OSGIN1: variants seen among roughly 807,000 people sequenced by gnomAD.
OSGIN1 encodes the protein oxidative stress-induced growth inhibitor 1.
In OSGIN1, 19 loss-of-function variants were observed where a neutral mutation model predicts 20.1. The observed-to-expected ratio is 0.95, with a 90% CI of 0.66 to 1.39. The LOEUF (loss-of-function observed/expected upper bound fraction) is 1.39. Among genes scored for constraint, OSGIN1 ranks in the 40% most tolerant of loss-of-function variants. OSGIN1 has a pLI of 0.00. For synonymous variants in OSGIN1, 368 were observed against 297.8 expected (o/e 1.24, Z -2.43); for missense variants, 820 against 653.0 (o/e 1.26, Z -2.79).
chr16:83,964,997 C>CCA, intron 5 of OSGIN1, 65 bp from the exon 6 acceptor site: 1 of 835,726 alleles, frequency 1.2e-6, no homozygotes. Context: ...GGACATCTCC[C>CCA]GTCCCACCCA....
chr16:83,963,211 A>G (rs2084235712), intron 5 of OSGIN1, among the ~76,000 whole-genome samples: 1 of 152,186 alleles, frequency 6.6e-6, no homozygotes, highest in East Asian at 1.9e-4. Flanking sequence ...GTGTAGCTAC[A>G]TGTTAGTAGG....
intron 1 of OSGIN1, among the ~76,000 whole-genome samples, chr16:83,955,026 C>T (rs1304468950): frequency 6.6e-6 from 1 of 152,196 alleles, no homozygotes; most frequent in East Asian, 1.9e-4. Flanking sequence ...GCTCTGTAGC[C>T]TCAGGGCACG....
rs1417456877 is a variant in OSGIN1 at position 83,966,083 on chromosome 16, T to C, written c.*76T>C. 6 of 1,216,114 alleles carry C rather than the reference T, an allele frequency of 4.9e-6. No individual in the cohort carries two copies. The highest frequency in any genetic ancestry group is 6.7e-6 in the Non-Finnish European group (6 of 898,042). 75.3% of individuals were successfully genotyped at this position (1,216,114 alleles called of 1,614,324 possible). The stretch of plus-strand genomic sequence containing the variant: ...ACATCCCTGCTGGATGCAGGACCCG[T>C]CCAAAGATGCCCCGGGGAGGGGTGT... On this transcript the variant is annotated 3_prime_UTR_variant, in exon 6 of 6. Coordinates refer to ENST00000393306, the MANE Select transcript of OSGIN1 (RefSeq NM_182981.3).
rs201776600 is a variant in OSGIN1, at chr16:83,961,090, C to T, written c.488+18C>T. The T allele has an allele frequency of 9.3e-5, 149 of 1,597,152 alleles. No homozygotes were observed. In the East Asian group the frequency reaches 2.8e-3, roughly 30 times the overall value. On this transcript the variant is annotated intron_variant, in intron 5 of 5. Coordinates refer to ENST00000393306, the MANE Select transcript of OSGIN1 (RefSeq NM_182981.3). ...AAGCGAAGGTGAGGCCGCCCCGGAA[C>T]GCCTTGGGGGACACGGAAGGTTGGG...
Position 83,965,797 on chromosome 16 carries a change from A to AG in OSGIN1, c.1228dup (p.Ala410GlyfsTer2). 1 of 1,612,806 alleles carries AG rather than the reference A, an allele frequency of 6.2e-7. No homozygotes were observed. The highest frequency in any genetic ancestry group is 8.5e-7 in the Non-Finnish European group (1 of 1,179,896). Reference sequence around the variant, plus strand: ...CCGACCTCTCCTTCCTGCCTGGGGCAGGGGCTGACTTTGCAGTGGATCCTG... The same window carrying AG: ...CCGACCTCTCCTTCCTGCCTGGGGCAGGGGGCTGACTTTGCAGTGGATCCTG... On this transcript the variant is annotated frameshift_variant, in exon 6 of 6. Transcript: ENST00000393306. LOFTEE classifies it low-confidence loss of function (END_TRUNC).
At position 83,959,400 on chromosome 16, in the gene OSGIN1, G is replaced by T; in HGVS notation, c.204+4G>T. On this transcript the variant is annotated splice_donor_region_variant and intron_variant, in intron 3 of 5. Coordinates refer to ENST00000393306, the MANE Select transcript of OSGIN1 (RefSeq NM_182981.3). ...GGGGGTCTCCATCCTGGACCAGGTG[G>T]GTCAGCCTGGGGCCAGAGCTCTGGG... The T allele has an allele frequency of 6.2e-7, 1 of 1,613,456 alleles. No homozygotes were observed. The highest frequency in any genetic ancestry group is 8.5e-7 in the Non-Finnish European group (1 of 1,179,806).
chr16:83,965,306 G>A lies in OSGIN1; in HGVS notation c.733G>A (p.Ala245Thr), dbSNP rs117540669. Residue 245 changes from alanine (A) to threonine (T), a missense_variant, in exon 6 of 6, where the codon GCC becomes ACC. Physicochemically the swap from Ala to Thr is moderately conservative, Grantham distance 58. Transcript: ENST00000393306. ...GCTGTGGGCCCGCAACGTGGTCCTC[G>A]CCACAGGCACGTTCGACAGCCCGGC... is the stretch of plus-strand genomic sequence containing the variant. ...FSLWARNVVL[A>T]TGTFDSPARL... is the part of the protein sequence containing the mutation. 6.9e-6 allele frequency: 11 copies of A among 1,591,980 alleles called. No individual in the cohort carries two copies. Among genetic ancestry groups the A allele is most frequent in the East Asian group, 4.5e-5 (2 of 44,560 alleles).
At chr16:83,962,253 G>C (rs2084223776) in intron 5 of OSGIN1, among the ~76,000 whole-genome samples, 1 of 152,050 alleles carries the variant, frequency 6.6e-6, no homozygotes, top group African/African-American at 2.4e-5. Flanking sequence ...TTTGTTGTTT[G>C]TTTTTAATGA....
intron 2 of OSGIN1, 102 bp downstream of exon 2, chr16:83,957,840 T>C: frequency 2.3e-6 from 1 of 440,190 alleles, no homozygotes; most frequent in East Asian, 3.6e-5. Context: ...GGTGTCTTTT[T>C]TCGTTTTTGG....
At chr16:83,963,316 C>G (rs1240672951) in intron 5 of OSGIN1, among the ~76,000 whole-genome samples, 2 of 152,292 alleles carry the variant, frequency 1.3e-5, no homozygotes, top group Non-Finnish European at 2.9e-5. Flanking sequence ...GTGGTGAAGT[C>G]ACAGCGTTCA....
rs758953583 is a variant in OSGIN1 at position 83,965,906 on chromosome 16, A to C, written c.1333A>C (p.Met445Leu). 1 of 1,612,802 alleles carries C rather than the reference A, an allele frequency of 6.2e-7. No individual in the cohort carries two copies. Among genetic ancestry groups the C allele is most frequent in the Non-Finnish European group, 8.5e-7 (1 of 1,179,978 alleles). The change falls in exon 6 of 6, where the codon ATG becomes CTG. Residue 445 changes from methionine (M) to leucine (L), a missense_variant. By Grantham distance (15) the Met-to-Leu change is conservative (BLOSUM62 2). Transcript: ENST00000393306. ...CACCCGCCAGGAGGGCCTGTACGCC[A>C]TGGGGCCGCTGGCCGGGGACAACTT... is the stretch of plus-strand genomic sequence containing the variant. ...QSTRQEGLYA[M>L]GPLAGDNFVR...
At position 83,961,127 on chromosome 16, in the gene OSGIN1, A is replaced by G; in HGVS notation, c.488+55A>G. ...CACGGAAGGTTGGGCCTGTGAACCC[A>G]GAAAATCTGAGACAGGTCTCAGTTA... On this transcript the variant is annotated intron_variant, in intron 5 of 5. Coordinates refer to ENST00000393306, the MANE Select transcript of OSGIN1 (RefSeq NM_182981.3). 2.3e-6 allele frequency: 3 copies of G among 1,318,172 alleles called. No individual in the cohort carries two copies. The South Asian group carries it at 3.5e-5, about 16-fold the overall frequency. 81.7% of individuals were successfully genotyped at this position (1,318,172 alleles called of 1,614,324 possible).
At chr16:83,960,829 A>G in intron 4 of OSGIN1, 69 bp downstream of exon 4, 2 of 1,533,068 alleles carry the variant, frequency 1.3e-6, no homozygotes, top group Admixed American at 3.6e-5. Context: ...TGGGGCTGGG[A>G]CTCTGGCATC....
In OSGIN1 at chr16:83,957,691, A is replaced by C. The variant is rs1369980477; in HGVS notation, c.20A>C (p.Asp7Ala). 15 of 1,606,908 alleles carry C rather than the reference A, an allele frequency of 9.3e-6. No individual in the cohort carries two copies. In the Admixed American group the frequency reaches 2.5e-4, roughly 27 times the overall value. Reference sequence around the variant, plus strand: ...CCAGCCATGAGCTCCTCCAGAAAGGACCACCTCGGCGCCAGCAGCTCAGAG... The same window carrying C: ...CCAGCCATGAGCTCCTCCAGAAAGGCCCACCTCGGCGCCAGCAGCTCAGAG... The part of the protein sequence containing the change: MSSSRK[D>A]HLGASSSEPL... Residue 7 changes from aspartate (D) to alanine (A), a missense_variant, in exon 2 of 6, where the codon GAC becomes GCC. Physicochemically the swap from Asp to Ala is moderately radical, Grantham distance 126 (BLOSUM62 -2). Transcript: ENST00000393306.
intron 2 of OSGIN1, among the ~76,000 whole-genome samples, chr16:83,958,170 C>G (rs529373130): frequency 6.6e-6 from 1 of 152,226 alleles, no homozygotes; most frequent in Admixed American, 6.5e-5. Flanking sequence ...AACCACCATG[C>G]CTGGCCCAGG....
intron 1 of OSGIN1, among the ~76,000 whole-genome samples, chr16:83,956,384 A>G (rs1000919316): frequency 6.6e-6 from 1 of 152,242 alleles, no homozygotes; most frequent in Non-Finnish European, 1.5e-5. Flanking sequence ...ATAGAAATCC[A>G]GATTCCCACT....
chr16:83,953,407 A>G (rs545536853), intron 1 of OSGIN1, 37 bp downstream of exon 1: 7 of 1,286,504 alleles, frequency 5.4e-6, no homozygotes, highest in South Asian at 1.2e-5. Flanking sequence ...GCAGGGAATC[A>G]GGCACATCCC....
In OSGIN1 at chr16:83,960,640, TC is replaced by T. The variant is rs1169127734; in HGVS notation, c.277del (p.Leu93TyrfsTer11). The T allele has an allele frequency of 6.2e-7, 1 of 1,613,454 alleles. No homozygotes were observed. Among genetic ancestry groups the T allele is most frequent in the Non-Finnish European group, 8.5e-7 (1 of 1,180,028 alleles). On this transcript the variant is annotated frameshift_variant, in exon 4 of 6. Transcript: ENST00000393306. LOFTEE classifies it high-confidence loss of function. ...SPVALLFDAL[L>X]RPDTDFGGNM... is the part of the protein sequence containing the mutation. ...CCGTGGCCCTGCTCTTTGATGCCCT[TC>T]TACGCCCAGACACAGACTTTGGGGG...
At chr16:83,960,838 T>C (rs1432602611) in intron 4 of OSGIN1, 78 bp downstream of exon 4, 1 of 1,523,458 alleles carries the variant, frequency 6.6e-7, no homozygotes, top group African/African-American at 1.4e-5. Context: ...GACTCTGGCA[T>C]CTCCCTTTCC....
Sources: gnomAD v4.1 joint callset for allele counts (sites outside exome capture counted in the v4.1 genomes callset) on GRCh38, gnomAD v4.1.1 for gene constraint, MANE v1.5 for transcripts, NCBI Gene and HGNC (gene_info 2026-07-23, HGNC 2026-07-21) for gene names.